Variants in TADA2A observed in about 807,000 individuals in gnomAD.
TADA2A encodes transcriptional adaptor 2A, also known as transcriptional adapter 2-alpha.
A neutral mutation model predicts 67.4 loss-of-function variants in TADA2A; 38 were observed. The ratio of observed to expected loss-of-function variants is 0.56; its 90% confidence interval spans 0.44 to 0.74. The LOEUF (loss-of-function observed/expected upper bound fraction) is 0.74, where lower values mean the gene tolerates loss of function less well. TADA2A is among the 30% of genes least tolerant of loss of function. The probability of loss-of-function intolerance (pLI) is 0.00; values close to 1 mark genes in which losing one functional copy is unlikely to be tolerated. For synonymous variants in TADA2A, 192 were observed against 181.6 expected, an observed-to-expected ratio of 1.06 and a Z score of -0.46; for missense variants, 454 against 547.0, an observed-to-expected ratio of 0.83 and a Z score of 1.70.
In TADA2A at chr17:37,479,550, T is replaced by G. The variant is rs2053949210; in HGVS notation, c.*2568T>G. 6.6e-6 allele frequency: 1 copy of G among 152,192 alleles called. No homozygotes were observed. The highest frequency in any genetic ancestry group is 2.4e-5 in the African/African-American group (1 of 41,448). The allele number at this position is 152,192 out of a possible 1,614,324, so 9.4% of individuals were successfully genotyped here. On this transcript the variant is annotated 3_prime_UTR_variant, in exon 16 of 16. Coordinates refer to ENST00000615182, the MANE Select transcript of TADA2A (RefSeq NM_001166105.3). Reference sequence around the variant, plus strand: ...AGGGTTGGCCATAAACCAACTACACTGATAGAGGTCTCTCCAGATTGTCTC... The same window carrying G: ...AGGGTTGGCCATAAACCAACTACACGGATAGAGGTCTCTCCAGATTGTCTC...
intron 2 of TADA2A, among the ~76,000 whole-genome samples, chr17:37,415,061 T>A (rs533591737): frequency 3.3e-5 from 5 of 151,986 alleles, no homozygotes; most frequent in African/African-American, 1.2e-4. Flanking sequence ...CCTGGCTAAT[T>A]TTTGTATACG....
At chr17:37,408,295 C>T (rs11868124) in intron 1 of TADA2A, 34,816 of 152,564 alleles carry the variant, frequency 0.23, 4,163 homozygotes, top group Middle Eastern at 0.35. Flanking sequence ...ACTTGTTGCT[C>T]AGGCCAGAGT....
At chr17:37,440,415 G>T in intron 5 of TADA2A, 90 bp from the exon 6 acceptor site, 1 of 1,428,830 alleles carries the variant, frequency 7.0e-7, no homozygotes, top group Non-Finnish European at 9.5e-7. Flanking sequence ...TTATATGGAT[G>T]TGACTTAAAA....
intron 4 of TADA2A, among the ~76,000 whole-genome samples, chr17:37,437,272 T>C (rs2052758174): frequency 6.6e-6 from 1 of 151,350 alleles, no homozygotes. Flanking sequence ...TTTATATTTT[T>C]AGTAGAGACG....
At chr17:37,455,531 G>A (rs997827029) in intron 8 of TADA2A, among the ~76,000 whole-genome samples, 18 of 151,848 alleles carry the variant, frequency 1.2e-4, no homozygotes, top group Non-Finnish European at 1.9e-4. Context: ...ACAGGCGCCC[G>A]CCACCATGCC....
At position 37,462,343 on chromosome 17, in the gene TADA2A, T is replaced by C. The variant is rs180852103; in HGVS notation, c.712+222T>C. ...CATAGTGAGAGTTTAAAGTATTAAT[T>C]TGGGGCCAGGCGCGGTGGCTCTTGC... is the stretch of plus-strand genomic sequence containing the variant. On this transcript the variant is annotated intron_variant, in intron 10 of 15. Coordinates refer to ENST00000615182, the MANE Select transcript of TADA2A (RefSeq NM_001166105.3). Among the ~76,000 whole-genome samples the C allele has an allele frequency of 1.3e-5, 2 of 152,064 alleles. 1 individual carries two copies. The highest frequency in any genetic ancestry group is 4.8e-5 in the African/African-American group (2 of 41,510).
At chr17:37,409,699 G>A (rs1196143196) in intron 1 of TADA2A, among the ~76,000 whole-genome samples, 1 of 151,484 alleles carries the variant, frequency 6.6e-6, no homozygotes, top group African/African-American at 2.4e-5. Context: ...CCCGGGAGGC[G>A]GAAGTTGCAG....
At chr17:37,466,406 T>G (rs1434550878) in intron 11 of TADA2A, among the ~76,000 whole-genome samples, 1 of 152,014 alleles carries the variant, frequency 6.6e-6, no homozygotes, top group Non-Finnish European at 1.5e-5. Context: ...AGCGACAGAG[T>G]GAGACCCTGT....
At chr17:37,415,874 C>CAAAAAAA (rs35954525) in intron 2 of TADA2A, among the ~76,000 whole-genome samples, 3 of 105,868 alleles carry the variant, frequency 2.8e-5, no homozygotes, top group African/African-American at 1.0e-4. Context: ...AACTCCTTCT[C>CAAAAAAA]AAAAAAAAAA....
At chr17:37,475,194 C>T (rs987232959) in intron 15 of TADA2A, among the ~76,000 whole-genome samples, 10 of 151,326 alleles carry the variant, frequency 6.6e-5, no homozygotes, top group Non-Finnish European at 7.4e-5. Context: ...TTTTTTGAGA[C>T]GGAGACTTGC....
chr17:37,413,014 A>G (rs1362418993), intron 2 of TADA2A, among the ~76,000 whole-genome samples: 4 of 151,160 alleles, frequency 2.6e-5, no homozygotes, highest in African/African-American at 9.7e-5. Flanking sequence ...TGCAACCTCC[A>G]CCTCCCGGGT....
chr17:37,458,360 T>A (rs2680720), intron 8 of TADA2A, among the ~76,000 whole-genome samples, 164 bp from the exon 9 acceptor site: 73,061 of 151,964 alleles, frequency 0.48, 18,239 homozygotes, highest in East Asian at 0.8. Context: ...AGACAAATTC[T>A]TTATGCTGGA....
intron 14 of TADA2A, among the ~76,000 whole-genome samples, chr17:37,472,876 T>A (rs922557780): frequency 4.7e-5 from 7 of 150,530 alleles, no homozygotes; most frequent in South Asian, 4.2e-4. Flanking sequence ...ATAAATAAAT[T>A]AATTAATTAA....
intron 4 of TADA2A, among the ~76,000 whole-genome samples, chr17:37,427,591 G>A (rs765327383): frequency 7.9e-5 from 12 of 152,156 alleles, no homozygotes; most frequent in Non-Finnish European, 1.3e-4. Flanking sequence ...AAGAGTGTTC[G>A]TAGTGTCCTT....
intron 4 of TADA2A, among the ~76,000 whole-genome samples, chr17:37,431,767 T>C (rs768248523): frequency 4.6e-5 from 7 of 152,038 alleles, no homozygotes; most frequent in Non-Finnish European, 1.0e-4. Flanking sequence ...GGTTTCACCA[T>C]GTTGTCCAGG....
intron 5 of TADA2A, among the ~76,000 whole-genome samples, chr17:37,439,408 G>A (rs1179615738): frequency 1.3e-5 from 2 of 151,944 alleles, no homozygotes; most frequent in African/African-American, 4.8e-5. Flanking sequence ...TCAGGCTCCC[G>A]AGTAGCTGGG....
rs747829806 is a variant in TADA2A, at chr17:37,444,675, T to C, written c.532-21T>C. ...AAAGCCGATGGGTTTGGGGTGGGGA[T>C]TTTTTTGTTCCCCTAAACAGGAATT... On this transcript the variant is annotated intron_variant, in intron 7 of 15. Coordinates refer to ENST00000615182, the MANE Select transcript of TADA2A (RefSeq NM_001166105.3). 21 of 1,607,318 alleles carry C rather than the reference T, an allele frequency of 1.3e-5. No individual in the cohort carries two copies. The East Asian group carries it at 4.2e-4, about 33-fold the overall frequency.
intron 4 of TADA2A, among the ~76,000 whole-genome samples, chr17:37,437,080 A>G (rs1321199704): frequency 6.7e-6 from 1 of 149,184 alleles, no homozygotes; most frequent in Non-Finnish European, 1.5e-5. Flanking sequence ...GATTCCATTT[A>G]TTTTTAATTT....
At chr17:37,456,359 A>G (rs1293026467) in intron 8 of TADA2A, among the ~76,000 whole-genome samples, 3 of 152,210 alleles carry the variant, frequency 2.0e-5, no homozygotes, top group Non-Finnish European at 4.4e-5. Flanking sequence ...TTCAAGTACC[A>G]TTTGGAAGAG....
Sources: allele counts gnomAD v4.1 joint callset (sites outside exome capture counted in the v4.1 genomes callset), GRCh38; gene constraint gnomAD v4.1.1; transcripts MANE v1.5; gene names NCBI Gene and HGNC (gene_info 2026-07-23, HGNC 2026-07-21).